CRX: variants seen among roughly 807,000 people sequenced by gnomAD.
CRX encodes cone-rod homeobox protein.
Under a neutral mutation model 13.1 loss-of-function variants are expected in CRX, and 5 were observed. The ratio of observed to expected loss-of-function variants is 0.38; its 90% CI spans 0.20 to 0.80. The LOEUF is 0.80. Ranked by LOEUF, CRX falls within the 30% of genes least tolerant of loss-of-function variation. The probability of loss-of-function intolerance (pLI) is 0.43; values close to 1 mark genes in which losing one functional copy is unlikely to be tolerated. For synonymous variants in CRX, 179 were observed against 171.1 expected, an observed-to-expected ratio of 1.05 and a Z score of -0.36; for missense variants, 351 against 391.8, an observed-to-expected ratio of 0.90 and a Z score of 0.88.
intron 1 of CRX, among the ~76,000 whole-genome samples, chr19:47,825,565 GCTGTTTGAT>G (rs1256603757): frequency 1.3e-5 from 2 of 152,070 alleles, no homozygotes; most frequent in African/African-American, 4.8e-5. Flanking sequence ...ATTATTATCA[GCTGTTTGAT>G]CTGGGGCCCA....
Position 47,840,409 on chromosome 19 carries a change from TTTTTGTTTTGC to T in CRX, c.*443_*453del, listed in dbSNP as rs1445361271. The T allele has an allele frequency of 9.2e-6, 2 of 217,720 alleles. No homozygotes were observed. Among genetic ancestry groups the T allele is most frequent in the South Asian group, 6.8e-5 (1 of 14,792 alleles). 13.5% of individuals were successfully genotyped at this position (217,720 alleles called of 1,614,324 possible). The stretch of plus-strand genomic sequence containing the variant: ...GGACAGAATTTTTTTTTTTGTTTTG[TTTTTGTTTTGC>T]AGACACAGTCTAGCTCTGTCGCCCA... On this transcript the variant is annotated 3_prime_UTR_variant, in exon 4 of 4. Coordinates refer to ENST00000221996, the MANE Select transcript of CRX (RefSeq NM_000554.6).
At chr19:47,829,374 C>T (rs1328525734) in intron 1 of CRX, among the ~76,000 whole-genome samples, 1 of 152,064 alleles carries the variant, frequency 6.6e-6, no homozygotes, top group Non-Finnish European at 1.5e-5. Context: ...TCTTGTTGCC[C>T]AGGCTGGAGT....
intron 1 of CRX, among the ~76,000 whole-genome samples, chr19:47,829,609 GC>G (rs1266683606): frequency 6.6e-6 from 1 of 152,020 alleles, no homozygotes; most frequent in African/African-American, 2.4e-5. Context: ...GGCATTACAG[GC>G]GTGAGCAACT....
Position 47,839,424 on chromosome 19 carries a change from G to A in CRX, c.357G>A (p.Arg119=), listed in dbSNP as rs576454015. ...AGGCCAAGGCCCGGCCTGCCAAGAG[G>A]AAGGCGGGCACGTCCCCAAGACCCT... ...GGQAKARPAK[R]KAGTSPRPST... Residue 119 remains arginine, a synonymous_variant, in exon 4 of 4, where the codon AGG becomes AGA. Coordinates refer to ENST00000221996, the MANE Select transcript of CRX (RefSeq NM_000554.6). This position sits in a 1 kb window ranked among gnomAD's most constrained non-coding sequence, Gnocchi z 4.6. The A allele has an allele frequency of 1.9e-6, 3 of 1,613,794 alleles. No homozygotes were observed. The African/African-American group carries it at 4.0e-5, about 22-fold the overall frequency.
chr19:47,831,035 G>T (rs1467426014), intron 1 of CRX, among the ~76,000 whole-genome samples: 1 of 152,062 alleles, frequency 6.6e-6, no homozygotes, highest in Non-Finnish European at 1.5e-5. Context: ...CAGACCGGGT[G>T]TAGTGGCTGA....
At chr19:47,832,514 C>A (rs1012413672) in intron 1 of CRX, among the ~76,000 whole-genome samples, 1 of 151,426 alleles carries the variant, frequency 6.6e-6, no homozygotes, top group Non-Finnish European at 1.5e-5. Context: ...TTTTTTGAGA[C>A]GGAGTCCGTA....
At chr19:47,835,617 C>CTTTTTTT (rs1431411160) in intron 2 of CRX, among the ~76,000 whole-genome samples, 1 of 86,138 alleles carries the variant, frequency 1.2e-5, no homozygotes, top group Admixed American at 1.3e-4. Context: ...TTCTTTAGCT[C>CTTTTTTT]TTGTTTTTTT....
intron 1 of CRX, among the ~76,000 whole-genome samples, chr19:47,824,354 G>A (rs1967949247): frequency 6.6e-6 from 1 of 152,212 alleles, no homozygotes; most frequent in South Asian, 2.1e-4. Flanking sequence ...GGGTGATCAG[G>A]AGGGCACCGG....
rs535335382 is a variant in CRX, at chr19:47,831,416, G to A, written c.-35-2993G>A. 2.1e-3 allele frequency among the ~76,000 whole-genome samples: 325 copies of A among 152,066 alleles called. 4 individuals are homozygous for A. Among genetic ancestry groups the A allele is most frequent in the African/African-American group, 6.5e-3 (270 of 41,478 alleles). Reference sequence around the variant, plus strand: ...CTGTTAGGCATGGGGTTGCACAGCTGGTGAGCAAGCATTACTGCCTGAGCC... The same window carrying A: ...CTGTTAGGCATGGGGTTGCACAGCTAGTGAGCAAGCATTACTGCCTGAGCC... On this transcript the variant is annotated intron_variant, in intron 1 of 3. Coordinates refer to ENST00000221996, the MANE Select transcript of CRX (RefSeq NM_000554.6).
At chr19:47,826,657 C>T (rs1206723788) in intron 1 of CRX, among the ~76,000 whole-genome samples, 1 of 152,184 alleles carries the variant, frequency 6.6e-6, no homozygotes, top group Non-Finnish European at 1.5e-5. Flanking sequence ...CAGTCTCTAC[C>T]TCCCAAGGTT....
chr19:47,832,910 T>C (rs952703936), intron 1 of CRX, among the ~76,000 whole-genome samples: 2 of 152,116 alleles, frequency 1.3e-5, no homozygotes, highest in African/African-American at 4.8e-5. Flanking sequence ...CCTGTACTGC[T>C]ACCTATCTGC....
At chr19:47,828,210 C>T (rs1375194750) in intron 1 of CRX, among the ~76,000 whole-genome samples, 2 of 151,886 alleles carry the variant, frequency 1.3e-5, no homozygotes, top group African/African-American at 2.4e-5. Context: ...GGAACGGAAC[C>T]AAGAAGTTCA....
chr19:47,830,460 T>C (rs1448952075), intron 1 of CRX, among the ~76,000 whole-genome samples: 1 of 152,156 alleles, frequency 6.6e-6, no homozygotes, highest in African/African-American at 2.4e-5. Flanking sequence ...CCCAGCACTT[T>C]GGGAGGCTGA....
chr19:47,839,822 C>T lies in CRX; in HGVS notation c.755C>T (p.Ser252Phe), dbSNP rs1968172763. 5.0e-6 allele frequency: 8 copies of T among 1,614,032 alleles called. No individual in the cohort carries two copies. In the Admixed American group the frequency reaches 1.3e-4, roughly 27 times the overall value. The change falls in exon 4 of 4, where the codon TCC becomes TTC. Residue 252 changes from serine (S) to phenylalanine (F), a missense_variant. Transcript: ENST00000221996. The surrounding 1 kb of genome is among the most constrained non-coding windows in gnomAD (Gnocchi z 4.6). ...CCTTCCCTGGCCCAGTCCCCCACCT[C>T]CCTATCAGGCCAGAGCTATGGCGCC... ...VGPSLAQSPT[S>F]LSGQSYGAYS...
rs985049455 is a variant in CRX, at chr19:47,837,006, G to A, written c.252+612G>A. Among the ~76,000 whole-genome samples the A allele has an allele frequency of 1.5e-4, 23 of 151,864 alleles. 1 individual carries two copies. Among genetic ancestry groups the A allele is most frequent in the Admixed American group, 8.5e-4 (13 of 15,258 alleles). On this transcript the variant is annotated intron_variant, in intron 3 of 3. Coordinates refer to ENST00000221996, the MANE Select transcript of CRX (RefSeq NM_000554.6). Reference sequence around the variant, plus strand: ...GATGAGTGTATGTATGTGTATATATGAGTGTCTGTGTGTATGATGGGATGG... The same window carrying A: ...GATGAGTGTATGTATGTGTATATATAAGTGTCTGTGTGTATGATGGGATGG...
At position 47,840,196 on chromosome 19, in the gene CRX, A is replaced by C; in HGVS notation, c.*229A>C. 1.6e-5 allele frequency: 9 copies of C among 547,266 alleles called. No individual in the cohort carries two copies. Among genetic ancestry groups the C allele is most frequent in the East Asian group, 3.2e-5 (1 of 31,374 alleles). 33.9% of individuals were successfully genotyped at this position (547,266 alleles called of 1,614,324 possible). On this transcript the variant is annotated 3_prime_UTR_variant, in exon 4 of 4. Transcript: ENST00000221996. ...GGTCCTAGTGATTCTCTCAACCCTAACACCGTCTGGCACGATTGTGACCGC... is the reference window on the plus strand; with the variant it reads ...GGTCCTAGTGATTCTCTCAACCCTACCACCGTCTGGCACGATTGTGACCGC...
chr19:47,832,672 G>A (rs1353940987), intron 1 of CRX, among the ~76,000 whole-genome samples: 1 of 151,586 alleles, frequency 6.6e-6, no homozygotes, highest in Admixed American at 6.6e-5. Flanking sequence ...TTTTAGTAGA[G>A]ACGGGGTTTC....
chr19:47,824,548 C>T (rs7248590), intron 1 of CRX, among the ~76,000 whole-genome samples: 1,953 of 152,256 alleles, frequency 0.013, 36 homozygotes, highest in African/African-American at 0.045. Flanking sequence ...GTCCATGGTG[C>T]ATGCAGTGTG....
intron 1 of CRX, among the ~76,000 whole-genome samples, chr19:47,832,634 C>T (rs911312078): frequency 1.3e-5 from 2 of 151,692 alleles, no homozygotes; most frequent in African/African-American, 2.4e-5. Context: ...TACAGGCGTG[C>T]ACCCCTGTGC....
Sources: gnomAD v4.1 joint callset for allele counts (sites outside exome capture counted in the v4.1 genomes callset) on GRCh38, gnomAD v4.1.1 for gene constraint, Gnocchi (gnomAD v3.1) non-coding constraint, MANE v1.5 for transcripts, NCBI Gene and HGNC (gene_info 2026-07-23, HGNC 2026-07-21) for gene names.